KANSL1L: variants seen among roughly 807,000 people sequenced by gnomAD.
KANSL1L encodes the protein KAT8 regulatory NSL complex subunit 1 like.
In KANSL1L, 25 loss-of-function variants were observed where a neutral mutation model predicts 108.6. The observed-to-expected ratio is 0.23, with a 90% CI of 0.17 to 0.32. KANSL1L has a LOEUF of 0.32. Among genes scored for constraint, KANSL1L ranks in the 10% least tolerant of loss-of-function variants. The pLI, the probability that KANSL1L is intolerant of heterozygous loss-of-function variation, is 1.00. For missense variants in KANSL1L, 1,137 were observed against 1,125.7 expected, an observed-to-expected ratio of 1.01 and a Z score of -0.14; for synonymous variants, 405 against 395.1, an observed-to-expected ratio of 1.03 and a Z score of -0.30.
intron 3 of KANSL1L, among the ~76,000 whole-genome samples, chr2:210,127,110 T>G (rs980627369): frequency 6.6e-6 from 1 of 152,296 alleles, no homozygotes; most frequent in African/African-American, 2.4e-5. Context: ...GACAGACCTA[T>G]ATTCCAATGG....
At chr2:210,138,294 G>A (rs769568536) in intron 2 of KANSL1L, among the ~76,000 whole-genome samples, 10 of 151,978 alleles carry the variant, frequency 6.6e-5, no homozygotes, top group South Asian at 2.1e-4. Flanking sequence ...AGATGGCAAC[G>A]ATAGACACTG....
At chr2:210,111,371 T>G (rs976027346) in intron 3 of KANSL1L, among the ~76,000 whole-genome samples, 6 of 152,116 alleles carry the variant, frequency 3.9e-5, no homozygotes, top group Non-Finnish European at 8.8e-5. Flanking sequence ...TTATGCTAAG[T>G]GAAAGAGCAA....
chr2:210,129,085 T>C lies in KANSL1L; in HGVS notation c.1176A>G (p.Leu392=). The change falls in exon 3 of 15, where the codon CTA becomes CTG. Residue 392 remains leucine (L), a synonymous_variant. Coordinates refer to ENST00000281772, the MANE Select transcript of KANSL1L (RefSeq NM_152519.4). ...CTGTTAGTTGTTGGATTTTGCATTC[T>C]AGGTCTGAAATCTGAGCTTGAAGCC... ...WTWLQAQISD[L]ECKIQQLTDI... 1.9e-6 allele frequency: 3 copies of C among 1,613,894 alleles called. No individual in the cohort carries two copies. Among genetic ancestry groups the C allele is most frequent in the Non-Finnish European group, 2.5e-6 (3 of 1,179,788 alleles).
chr2:210,022,997 T>G lies in KANSL1L; in HGVS notation c.2916A>C (p.Glu972Asp). ...TAAGTCCTAGACCAAAGGTTTTGTA[T>G]TCTTCCATTCCATCTGACTGCTTTT... ...HPKKQSDGME[E>D]YKTFGLGLTN... The change falls in exon 15 of 15, where the codon GAA becomes GAC. Residue 972 changes from glutamate (E) to aspartate (D), a missense_variant. Physicochemically the swap from Glu to Asp is conservative, Grantham distance 45. Coordinates refer to ENST00000281772, the MANE Select transcript of KANSL1L (RefSeq NM_152519.4). The G allele has an allele frequency of 1.2e-6, 2 of 1,614,022 alleles. No homozygotes were observed. Among genetic ancestry groups the G allele is most frequent in the Non-Finnish European group, 8.5e-7 (1 of 1,179,896 alleles).
intron 8 of KANSL1L, among the ~76,000 whole-genome samples, chr2:210,033,695 A>ATTTTTTTTTT (rs10679778): frequency 7.5e-6 from 1 of 133,014 alleles, no homozygotes; most frequent in Non-Finnish European, 1.6e-5. Context: ...ACGCCCGGCT[A>ATTTTTTTTTT]TTTTTTTTTT....
chr2:210,170,411 T>C, intron 1 of KANSL1L: 1 of 984,850 alleles, frequency 1.0e-6, no homozygotes, highest in Non-Finnish European at 1.2e-6. Flanking sequence ...GTCCATCCAG[T>C]GCCTGCCCTC....
chr2:210,152,752 A>C (rs1351107986), intron 2 of KANSL1L: 2 of 152,216 alleles, frequency 1.3e-5, no homozygotes, highest in African/African-American at 4.8e-5. Context: ...AAAAGTAGTA[A>C]GTCAACTTAC....
chr2:210,024,732 A>C (rs745773488), intron 13 of KANSL1L, among the ~76,000 whole-genome samples: 54 of 152,138 alleles, frequency 3.5e-4, no homozygotes, highest in Non-Finnish European at 5.7e-4. Context: ...AAAGAAAAAC[A>C]TATTTTGGAA....
In KANSL1L at chr2:210,154,529, C is replaced by T. The variant is rs1254888136; in HGVS notation, c.54G>A (p.Leu18=). The T allele has an allele frequency of 6.3e-7, 1 of 1,581,992 alleles. No individual in the cohort carries two copies. Among genetic ancestry groups the T allele is most frequent in the African/African-American group, 1.4e-5 (1 of 73,598 alleles). ...TCTTGTCAGACTCCATGGTACTTGG[C>T]AAAGATGAAAAGCTGATACCCTTTG... ...ATAKGISFSS[L]PSTMESDKML... The change falls in exon 2 of 15, where the codon TTG becomes TTA. Residue 18 remains leucine, a synonymous_variant. Coordinates refer to ENST00000281772, the MANE Select transcript of KANSL1L (RefSeq NM_152519.4).
Position 210,044,848 on chromosome 2 carries a change from C to T in KANSL1L, c.1756-744G>A, listed in dbSNP as rs1396120617. ...GCAGTGGCAGGATCTCGGCTCACTG[C>T]AACTTCTGCCTCCCGGGTTCAAGCG... On this transcript the variant is annotated intron_variant, in intron 6 of 14. Coordinates refer to ENST00000281772, the MANE Select transcript of KANSL1L (RefSeq NM_152519.4). The surrounding 1 kb of genome is among the most constrained non-coding windows in gnomAD (Gnocchi z 4.2). Among the ~76,000 whole-genome samples the T allele has an allele frequency of 6.6e-6, 1 of 152,122 alleles. No individual in the cohort carries two copies. The highest frequency in any genetic ancestry group is 1.5e-5 in the Non-Finnish European group (1 of 68,028).
intron 3 of KANSL1L, among the ~76,000 whole-genome samples, chr2:210,125,857 A>G (rs1287420423): frequency 6.6e-6 from 1 of 151,982 alleles, no homozygotes; most frequent in Non-Finnish European, 1.5e-5. Context: ...ACATATGAAA[A>G]CCCCCTGAAA....
chr2:210,116,516 TC>T (rs1353187223), intron 3 of KANSL1L, among the ~76,000 whole-genome samples: 1 of 152,126 alleles, frequency 6.6e-6, no homozygotes, highest in African/African-American at 2.4e-5. Context: ...GTCACGCCTC[TC>T]CTAGCTCCAA....
rs188285074 is a variant in KANSL1L, at chr2:210,040,463, A to G, written c.1986T>C (p.Ala662=). 1 of 1,568,182 alleles carries G rather than the reference A, an allele frequency of 6.4e-7. No individual in the cohort carries two copies. The part of the protein sequence containing the change: ...LKKTEIKGNL[A]ENKFVDEYII... ...TATATTCATCTACAAATTTATTTTC[A>G]GCAAGATTGCCTTTTATTTCAGTCT... is the stretch of plus-strand genomic sequence containing the variant. The change falls in exon 8 of 15, where the codon GCT becomes GCC. Residue 662 remains alanine, a synonymous_variant. Transcript: ENST00000281772.
chr2:210,082,985 T>C (rs1049259151), intron 5 of KANSL1L, among the ~76,000 whole-genome samples: 2 of 152,140 alleles, frequency 1.3e-5, no homozygotes, highest in Admixed American at 6.5e-5. Flanking sequence ...TGGAAATACT[T>C]GGCAAATGTG....
At chr2:210,165,153 T>A (rs1422215715) in intron 1 of KANSL1L, among the ~76,000 whole-genome samples, 1 of 151,284 alleles carries the variant, frequency 6.6e-6, no homozygotes, top group South Asian at 2.1e-4. Flanking sequence ...CAACAGAATT[T>A]TCAACTTACA....
chr2:210,069,079 G>A (rs2094488157), intron 6 of KANSL1L, among the ~76,000 whole-genome samples: 1 of 152,104 alleles, frequency 6.6e-6, no homozygotes, highest in African/African-American at 2.4e-5. Context: ...AAAGCAAGGA[G>A]AAACCAGATA....
Position 210,044,899 on chromosome 2 carries a change from A to C in KANSL1L, c.1756-795T>G, listed in dbSNP as rs1010988810. On this transcript the variant is annotated intron_variant, in intron 6 of 14. Transcript: ENST00000281772. The surrounding 1 kb of genome is among the most constrained non-coding windows in gnomAD (Gnocchi z 4.2). ...ATTCTCCTGCCTCAGCCTCCTGAGT[A>C]ACTGGGATTACAGGCACGTGCCACT... Among the ~76,000 whole-genome samples, 7 of 152,030 alleles carry C rather than the reference A, an allele frequency of 4.6e-5. No individual in the cohort carries two copies. Among genetic ancestry groups the C allele is most frequent in the African/African-American group, 1.7e-4 (7 of 41,372 alleles).
intron 5 of KANSL1L, among the ~76,000 whole-genome samples, chr2:210,091,566 C>G (rs2094693262): frequency 6.6e-6 from 1 of 152,114 alleles, no homozygotes; most frequent in Non-Finnish European, 1.5e-5. Flanking sequence ...TGAAGCTCTT[C>G]TATTATACTT....
chr2:210,169,733 C>CT (rs1346743155), intron 1 of KANSL1L, among the ~76,000 whole-genome samples: 2 of 152,172 alleles, frequency 1.3e-5, no homozygotes, highest in African/African-American at 4.8e-5. Flanking sequence ...TGACACTGAT[C>CT]TAAGTAGGTG....
Sources: gnomAD v4.1 joint callset for allele counts (sites outside exome capture counted in the v4.1 genomes callset) on GRCh38, gnomAD v4.1.1 for gene constraint, Gnocchi (gnomAD v3.1) non-coding constraint, MANE v1.5 for transcripts, NCBI Gene and HGNC (gene_info 2026-07-23, HGNC 2026-07-21) for gene names.